The following RABGEF1 variants were observed in gnomAD, a reference collection of about 807,000 sequenced individuals.
The protein encoded by RABGEF1 is RAB guanine nucleotide exchange factor 1.
RABGEF1 carries 26 observed loss-of-function variants against 57.3 expected under a neutral mutation model. That is an observed-to-expected ratio of 0.45 (90% CI 0.33 to 0.63). The LOEUF (loss-of-function observed/expected upper bound fraction) is 0.63. Among genes scored for constraint, RABGEF1 ranks in the 20% least tolerant of loss-of-function variants. The pLI, the probability that RABGEF1 is intolerant of heterozygous loss-of-function variation, is 0.02. For synonymous variants in RABGEF1, 185 were observed against 210.7 expected (o/e 0.88, Z 1.06); for missense variants, 464 against 607.6 (o/e 0.76, Z 2.48).
intron 1 of RABGEF1, among the ~76,000 whole-genome samples, chr7:66,754,695 A>G (rs1214520108): frequency 6.6e-6 from 1 of 152,210 alleles, no homozygotes; most frequent in Non-Finnish European, 1.5e-5. Context: ...GCATAACACA[A>G]ATATTTATTT....
chr7:66,700,719 C>T (rs1035752639), intron 1 of RABGEF1, among the ~76,000 whole-genome samples: 1 of 152,248 alleles, frequency 6.6e-6, no homozygotes, highest in Admixed American at 6.5e-5. Flanking sequence ...TGCCCTCTGA[C>T]CTCCCACCTG....
chr7:66,697,733 C>A (rs73377554), intron 1 of RABGEF1, among the ~76,000 whole-genome samples: 2 of 152,126 alleles, frequency 1.3e-5, no homozygotes, highest in Admixed American at 1.3e-4. Context: ...GGGGGGTGTT[C>A]ATGTTTGAAG....
chr7:66,786,694 G>A lies in RABGEF1; in HGVS notation c.513+2853G>A, dbSNP rs187550875. 1.1e-3 allele frequency among the ~76,000 whole-genome samples: 167 copies of A among 152,198 alleles called. 2 individuals carry two copies. In the Middle Eastern group the frequency reaches 0.017, roughly 15 times the overall value. On this transcript the variant is annotated intron_variant, in intron 4 of 8. Transcript: ENST00000284957. ...GCTGGGATTATAGGTGTGAGCCACC[G>A]CGCCCAGTGCTATTCAGCAAATGTT...
chr7:66,721,129 G>C (rs557753992), intron 2 of RABGEF1, among the ~76,000 whole-genome samples: 1 of 152,254 alleles, frequency 6.6e-6, no homozygotes, highest in African/African-American at 2.4e-5. Context: ...AGGTTGGCCA[G>C]GCTGCTCTCG....
intron 1 of RABGEF1, among the ~76,000 whole-genome samples, chr7:66,742,630 A>C (rs1235955878): frequency 6.6e-6 from 1 of 152,070 alleles, no homozygotes. Context: ...ATTGAGAGAG[A>C]GGGTCTCACT....
intron 3 of RABGEF1, among the ~76,000 whole-genome samples, chr7:66,780,337 A>G (rs1809603189): frequency 6.6e-6 from 1 of 152,212 alleles, no homozygotes; most frequent in African/African-American, 2.4e-5. Context: ...TGACTGCAAC[A>G]TTATTCAAGT....
upstream of RABGEF1, chr7:66,739,738 G>C (rs1798527393): frequency 6.6e-6 from 1 of 151,216 alleles, no homozygotes; most frequent in Non-Finnish European, 1.5e-5. Flanking sequence ...AATTAGCAAA[G>C]CTGGGATTTT....
At chr7:66,775,495 G>C (rs1808310493) in intron 3 of RABGEF1, 102 bp downstream of exon 3, 4 of 1,382,196 alleles carry the variant, frequency 2.9e-6, no homozygotes, top group Non-Finnish European at 3.9e-6. Context: ...TCAACTTTTT[G>C]AGAACATCAG....
chr7:66,732,016 C>T (rs1444886362), intron 2 of RABGEF1, among the ~76,000 whole-genome samples: 3 of 152,228 alleles, frequency 2.0e-5, no homozygotes, highest in Non-Finnish European at 4.4e-5. Context: ...AGATGAGCAG[C>T]TGCTCAGCCA....
At chr7:66,784,077 G>A (rs1810587716) in intron 4 of RABGEF1, among the ~76,000 whole-genome samples, 1 of 152,210 alleles carries the variant, frequency 6.6e-6, no homozygotes, top group Non-Finnish European at 1.5e-5. Context: ...CTGACCTGAA[G>A]CCACTTGAAT....
At chr7:66,678,926 G>A (rs1789497169), upstream of RABGEF1, among the ~76,000 whole-genome samples, 2 of 152,314 alleles carry the variant, frequency 1.3e-5, no homozygotes, top group Middle Eastern at 3.4e-3. Flanking sequence ...AAGTACTCAC[G>A]TGGCATGATA....
At chr7:66,674,298 CCCTGCCTCAGCCT>C in the RABGEF1 span, among the ~76,000 whole-genome samples, 1 of 151,792 alleles carries the variant, frequency 6.6e-6, no homozygotes, top group African/African-American at 2.4e-5. Context: ...GAAGCAGTTC[CCCTGCCTCAGCCT>C]CCTGAGTAGA....
intron 1 of RABGEF1, among the ~76,000 whole-genome samples, chr7:66,759,116 GA>G (rs569636632): frequency 1.5e-4 from 23 of 152,330 alleles, no homozygotes; most frequent in Middle Eastern, 3.4e-3. Flanking sequence ...TCAAGATACA[GA>G]ACTATTCCAT....
chr7:66,673,722 C>A, the RABGEF1 span, among the ~76,000 whole-genome samples: 1 of 151,406 alleles, frequency 6.6e-6, no homozygotes, highest in Non-Finnish European at 1.5e-5. Flanking sequence ...TTACTCTGAG[C>A]ACTAAATAAT....
chr7:66,671,720 G>C, the RABGEF1 span, among the ~76,000 whole-genome samples: 1 of 152,046 alleles, frequency 6.6e-6, no homozygotes, highest in Admixed American at 6.6e-5. Flanking sequence ...TACTTGTGAG[G>C]CTGAGGTGGG....
At chr7:66,764,605 G>C (rs529345365) in intron 1 of RABGEF1, among the ~76,000 whole-genome samples, 78 of 151,900 alleles carry the variant, frequency 5.1e-4, no homozygotes, top group Admixed American at 9.2e-4. Flanking sequence ...TTAGGTCTTT[G>C]ATTGATTCTG....
At chr7:66,741,785 G>A (rs539963922) in intron 1 of RABGEF1, among the ~76,000 whole-genome samples, 21 of 152,108 alleles carry the variant, frequency 1.4e-4, no homozygotes, top group Non-Finnish European at 2.9e-4. Context: ...TCCCGCCTCG[G>A]CCTCCCAGAG....
chr7:66,675,977 T>G, the RABGEF1 span, among the ~76,000 whole-genome samples: 48 of 152,278 alleles, frequency 3.2e-4, no homozygotes, highest in African/African-American at 1.0e-3. Flanking sequence ...GTTAATTAGT[T>G]AAGTTTTAAG....
intron 1 of RABGEF1, among the ~76,000 whole-genome samples, chr7:66,693,881 C>T (rs1368468380): frequency 2.0e-5 from 3 of 151,552 alleles, no homozygotes; most frequent in South Asian, 2.1e-4. Context: ...GATCTCGGCT[C>T]ACCGTAACCT....
Sources: gnomAD v4.1 joint callset for allele counts (sites outside exome capture counted in the v4.1 genomes callset) on GRCh38, gnomAD v4.1.1 for gene constraint, MANE v1.5 for transcripts, NCBI Gene and HGNC (gene_info 2026-07-23, HGNC 2026-07-21) for gene names.